LHFPL6: variants seen among roughly 807,000 people sequenced by gnomAD.
LHFPL6 encodes LHFPL tetraspan subfamily member 6.
LHFPL6 carries 9 observed loss-of-function variants against 20.6 expected under a neutral mutation model. The observed-to-expected ratio is 0.44, with a 90% CI of 0.26 to 0.76. The LOEUF is 0.76. LHFPL6 is among the 30% of genes least tolerant of loss of function. The pLI, the probability that LHFPL6 is intolerant of heterozygous loss-of-function variation, is 0.20. For missense variants in LHFPL6, 218 were observed against 253.5 expected (o/e 0.86, Z 0.95); for synonymous variants, 105 against 98.7 (o/e 1.06, Z -0.38).
intron 2 of LHFPL6, among the ~76,000 whole-genome samples, chr13:39,534,374 T>C (rs1317620481): frequency 6.6e-6 from 1 of 152,194 alleles, no homozygotes; most frequent in African/African-American, 2.4e-5. Flanking sequence ...ATGGCAGTTT[T>C]CAAAATGCAG....
chr13:39,505,690 A>C (rs1869453430), intron 2 of LHFPL6, among the ~76,000 whole-genome samples: 1 of 152,140 alleles, frequency 6.6e-6, no homozygotes, highest in South Asian at 2.1e-4. Flanking sequence ...AATGTGTCAA[A>C]CAAGGTTTGG....
intron 2 of LHFPL6, among the ~76,000 whole-genome samples, chr13:39,584,426 C>T (rs990013259): frequency 6.7e-6 from 1 of 150,222 alleles, no homozygotes; most frequent in African/African-American, 2.5e-5. Flanking sequence ...ACTCAGGAGG[C>T]TGAGGCAGGA....
chr13:39,555,409 A>G (rs1871277481), intron 2 of LHFPL6, among the ~76,000 whole-genome samples: 1 of 148,242 alleles, frequency 6.7e-6, no homozygotes, highest in Non-Finnish European at 1.5e-5. Context: ...GCTTTCTTTT[A>G]GGCACATATT....
rs1332889167 is a variant in LHFPL6, at chr13:39,361,008, G to A, written c.485-16954C>T. Among the ~76,000 whole-genome samples, 2 of 96,292 alleles carry A rather than the reference G, an allele frequency of 2.1e-5. 1 individual carries two copies. The highest frequency in any genetic ancestry group is 2.4e-4 in the Admixed American group (2 of 8,300). The allele number at this position is 96,292 out of a possible 152,430, so 63.2% of individuals were successfully genotyped here. A position where few individuals can be genotyped will look rare whatever the true frequency, so the allele number is the denominator to read the frequency against. On this transcript the variant is annotated intron_variant, in intron 3 of 3. Transcript: ENST00000379589. ...ATTGTCCTCCAAAGAAATGGTGCCG[G>A]CCATCATCAACACAAGAATTTACCA...
intron 2 of LHFPL6, among the ~76,000 whole-genome samples, chr13:39,527,291 G>A (rs1287910956): frequency 6.6e-6 from 1 of 152,072 alleles, no homozygotes; most frequent in Non-Finnish European, 1.5e-5. Context: ...ATACATCCCT[G>A]AGAAAGAGGC....
chr13:39,553,746 C>T (rs900825409), intron 2 of LHFPL6, among the ~76,000 whole-genome samples: 2 of 152,114 alleles, frequency 1.3e-5, no homozygotes, highest in African/African-American at 4.8e-5. Context: ...AGGCCAGGTG[C>T]ACGTTGGAAT....
intron 2 of LHFPL6, among the ~76,000 whole-genome samples, chr13:39,594,504 T>C (rs536635137): frequency 1.1e-3 from 174 of 152,292 alleles, no homozygotes; most frequent in African/African-American, 3.9e-3. Flanking sequence ...TAGGAACAGT[T>C]TTACACTGTT....
chr13:39,587,343 C>T (rs1363398400), intron 2 of LHFPL6, among the ~76,000 whole-genome samples: 1 of 152,070 alleles, frequency 6.6e-6, no homozygotes, highest in African/African-American at 2.4e-5. Context: ...ACTTGATGTT[C>T]CCCTGTCTGA....
At chr13:39,420,640 A>G (rs550327129) in intron 2 of LHFPL6, among the ~76,000 whole-genome samples, 192 of 152,318 alleles carry the variant, frequency 1.3e-3, no homozygotes, top group African/African-American at 4.2e-3. Flanking sequence ...AAGGAGGTGA[A>G]CTTGGTCAAA....
At chr13:39,466,870 G>T (rs1872817352) in intron 2 of LHFPL6, among the ~76,000 whole-genome samples, 1 of 152,004 alleles carries the variant, frequency 6.6e-6, no homozygotes, top group Non-Finnish European at 1.5e-5. Context: ...GTAACTTCAG[G>T]TAAGTATATG....
chr13:39,407,915 G>T (rs995947368), intron 2 of LHFPL6, among the ~76,000 whole-genome samples: 4 of 152,176 alleles, frequency 2.6e-5, no homozygotes, highest in African/African-American at 9.7e-5. Flanking sequence ...AGAAACGGGA[G>T]TTTTCCTTCT....
chr13:39,436,479 T>C (rs116043661), intron 2 of LHFPL6, among the ~76,000 whole-genome samples: 2,776 of 152,298 alleles, frequency 0.018, 81 homozygotes, highest in African/African-American at 0.063. Context: ...TCCTTTTTCA[T>C]TGCCCTATTC....
chr13:39,388,301 G>A (rs190933380), intron 2 of LHFPL6, among the ~76,000 whole-genome samples: 3 of 152,168 alleles, frequency 2.0e-5, no homozygotes, highest in Admixed American at 2.0e-4. Context: ...TGTACAATGC[G>A]TTATGCACCA....
chr13:39,527,173 C>T (rs1870316084), intron 2 of LHFPL6, among the ~76,000 whole-genome samples: 1 of 152,136 alleles, frequency 6.6e-6, no homozygotes. Context: ...TTTATGTTTT[C>T]CTTTGTCCAG....
At chr13:39,441,588 C>T (rs1230774851) in intron 2 of LHFPL6, among the ~76,000 whole-genome samples, 7 of 151,936 alleles carry the variant, frequency 4.6e-5, no homozygotes, top group Non-Finnish European at 8.8e-5. Context: ...TTATGGCCCC[C>T]TGCAGCCTTG....
intron 2 of LHFPL6, among the ~76,000 whole-genome samples, chr13:39,546,759 C>G (rs1870994472): frequency 6.6e-6 from 1 of 151,870 alleles, no homozygotes; most frequent in African/African-American, 2.4e-5. Flanking sequence ...TGCATCCCAA[C>G]CTCTATTTCT....
At chr13:39,490,471 C>T (rs1868885498) in intron 2 of LHFPL6, among the ~76,000 whole-genome samples, 1 of 152,174 alleles carries the variant, frequency 6.6e-6, no homozygotes, top group Admixed American at 6.5e-5. Context: ...CTCTCAGGTA[C>T]AGCAGTCTCT....
At chr13:39,514,288 G>A (rs1263940278) in intron 2 of LHFPL6, among the ~76,000 whole-genome samples, 7 of 152,112 alleles carry the variant, frequency 4.6e-5, no homozygotes, top group Non-Finnish European at 8.8e-5. Flanking sequence ...AAGTGACAAA[G>A]CTCTAAGTCC....
chr13:39,585,379 G>A (rs1435919465), intron 2 of LHFPL6, among the ~76,000 whole-genome samples: 1 of 152,200 alleles, frequency 6.6e-6, no homozygotes, highest in East Asian at 1.9e-4. Flanking sequence ...ATTGACAAGA[G>A]TACGTTTTGT....
Sources: allele counts gnomAD v4.1 joint callset (sites outside exome capture counted in the v4.1 genomes callset), GRCh38; gene constraint gnomAD v4.1.1; transcripts MANE v1.5; gene names NCBI Gene and HGNC (gene_info 2026-07-23, HGNC 2026-07-21).